TUBA8: variants seen among roughly 807,000 people sequenced by gnomAD.
The protein encoded by TUBA8 is tubulin alpha 8.
In TUBA8, 29 loss-of-function variants were observed where a neutral mutation model predicts 34.7. The ratio of observed to expected loss-of-function variants is 0.84; its 90% CI spans 0.62 to 1.14. The LOEUF is 1.14. Ranked by LOEUF, TUBA8 falls within the 50% of genes most tolerant of loss-of-function variation. The probability of loss-of-function intolerance (pLI) is 0.00; values close to 1 mark genes in which losing one functional copy is unlikely to be tolerated. For synonymous variants in TUBA8, 226 were observed against 231.2 expected (o/e 0.98, Z 0.21); for missense variants, 541 against 599.2 (o/e 0.90, Z 1.01).
Position 18,126,647 on chromosome 22 carries a change from C to T in TUBA8, c.669C>T (p.Thr223=), listed in dbSNP as rs777476349. Residue 223 remains threonine (T), a synonymous_variant, in exon 4 of 5, where the codon ACC becomes ACT. Coordinates refer to ENST00000330423, the MANE Select transcript of TUBA8 (RefSeq NM_018943.3). This position sits in a 1 kb window ranked among gnomAD's most constrained non-coding sequence, Gnocchi z 4.0. The part of the protein sequence containing the change: ...CRRNLDIERP[T]YTNLNRLISQ... ...GGAACCTTGACATTGAGCGCCCTAC[C>T]TATACCAACCTCAACCGCCTCATCA... is the stretch of plus-strand genomic sequence containing the variant. 1.2e-6 allele frequency: 2 copies of T among 1,614,150 alleles called. No individual in the cohort carries two copies. The highest frequency in any genetic ancestry group is 2.2e-5 in the South Asian group (2 of 91,062).
In TUBA8 at chr22:18,121,752, G is replaced by C; in HGVS notation, c.226+51G>C. On this transcript the variant is annotated intron_variant, in intron 2 of 4. Transcript: ENST00000330423. The surrounding 1 kb of genome is among the most constrained non-coding windows in gnomAD (Gnocchi z 4.8). Reference sequence around the variant, plus strand: ...ACAGAGAACATCTCGAAACTGCAGAGGCATTGGCCCACAGTAGCTAAGGAA... The same window carrying C: ...ACAGAGAACATCTCGAAACTGCAGACGCATTGGCCCACAGTAGCTAAGGAA... 1.3e-6 allele frequency: 2 copies of C among 1,563,070 alleles called. No individual in the cohort carries two copies. The highest frequency in any genetic ancestry group is 1.8e-6 in the Non-Finnish European group (2 of 1,137,790).
intron 1 of TUBA8, chr22:18,113,987 T>A (rs1056423881): frequency 1.3e-5 from 2 of 151,668 alleles, no homozygotes; most frequent in Non-Finnish European, 2.9e-5. Context: ...TAAAAATAAT[T>A]TTGGTGGGGG....
At position 18,118,035 on chromosome 22, in the gene TUBA8, C is replaced by T. The variant is rs1345290840; in HGVS notation, c.4-3444C>T. The T allele has an allele frequency of 2.6e-5, 4 of 152,086 alleles. No individual in the cohort carries two copies. The allele number at this position is 152,086 out of a possible 1,614,324, so 9.4% of individuals were successfully genotyped here. ...ACATTGCGTCCCATCAGGAGGTCCT[C>T]GATGTCGGGTTGGCCCACAGTTAGC... is the stretch of plus-strand genomic sequence containing the variant. On this transcript the variant is annotated intron_variant, in intron 1 of 4. Coordinates refer to ENST00000330423, the MANE Select transcript of TUBA8 (RefSeq NM_018943.3). This position sits in a 1 kb window ranked among gnomAD's most constrained non-coding sequence, Gnocchi z 4.0.
intron 1 of TUBA8, chr22:18,116,345 G>A (rs1319319843): frequency 1.3e-5 from 2 of 152,272 alleles, no homozygotes; most frequent in East Asian, 3.8e-4. Context: ...GGAGTTCAGA[G>A]CTGCAAGTGA....
intron 1 of TUBA8, chr22:18,113,142 A>G (rs1927862394): frequency 6.6e-6 from 1 of 152,170 alleles, no homozygotes; most frequent in Non-Finnish European, 1.5e-5. Flanking sequence ...TTCCTCTGTG[A>G]ACTTACCCCC....
rs1928075938 is a variant in TUBA8 at position 18,119,404 on chromosome 22, A to G, written c.4-2075A>G. On this transcript the variant is annotated intron_variant, in intron 1 of 4. Transcript: ENST00000330423. The surrounding 1 kb of genome is among the most constrained non-coding windows in gnomAD (Gnocchi z 5.9). ...AATGCTACCAGGTAGTACCGTAATGAAAATGATAATGGCAAGACAGCATCA... is the reference window on the plus strand; with the variant it reads ...AATGCTACCAGGTAGTACCGTAATGGAAATGATAATGGCAAGACAGCATCA... 6.6e-6 allele frequency: 1 copy of G among 152,256 alleles called. No individual in the cohort carries two copies. 9.4% of individuals were successfully genotyped at this position (152,256 alleles called of 1,614,324 possible).
rs776567675 is a variant in TUBA8, at chr22:18,121,625, C to T, written c.150C>T (p.Thr50=). Residue 50 remains threonine (T), a synonymous_variant, in exon 2 of 5, where the codon ACC becomes ACT. Transcript: ENST00000330423. This position sits in a 1 kb window ranked among gnomAD's most constrained non-coding sequence, Gnocchi z 4.8. ...AGATCAACGATGATGACTCCTTCAC[C>T]ACCTTTTTCAGCGAGACTGGCAATG... is the stretch of plus-strand genomic sequence containing the variant. ...ASKINDDDSF[T]TFFSETGNGK... 1 of 1,614,102 alleles carries T rather than the reference C, an allele frequency of 6.2e-7. No homozygotes were observed. Among genetic ancestry groups the T allele is most frequent in the East Asian group, 2.2e-5 (1 of 44,896 alleles).
At chr22:18,120,871 C>T (rs759482506) in intron 1 of TUBA8, 3 of 154,806 alleles carry the variant, frequency 1.9e-5, no homozygotes, top group Non-Finnish European at 4.3e-5. Context: ...TCCAATTGTT[C>T]AGCGTGCAGG....
At position 18,126,220 on chromosome 22, in the gene TUBA8, A is replaced by T; in HGVS notation, c.376-134A>T. 2 of 849,856 alleles carry T rather than the reference A, an allele frequency of 2.4e-6. No homozygotes were observed. The highest frequency in any genetic ancestry group is 1.7e-5 in the African/African-American group (1 of 59,470). The allele number at this position is 849,856 out of a possible 1,614,324, so 52.6% of individuals were successfully genotyped here. On this transcript the variant is annotated intron_variant, in intron 3 of 4. Transcript: ENST00000330423. This position sits in a 1 kb window ranked among gnomAD's most constrained non-coding sequence, Gnocchi z 4.0. ...TCAATACAACTCCTTTTGTTTCCTT[A>T]CTTCTTCAAAGCTGTTTTGATTTCA...
At position 18,124,609 on chromosome 22, in the gene TUBA8, C is replaced by T; in HGVS notation, c.375+305C>T. 2 of 303,258 alleles carry T rather than the reference C, an allele frequency of 6.6e-6. No homozygotes were observed. Among genetic ancestry groups the T allele is most frequent in the Non-Finnish European group, 1.2e-5 (2 of 162,052 alleles). 18.8% of individuals were successfully genotyped at this position (303,258 alleles called of 1,614,324 possible). On this transcript the variant is annotated intron_variant, in intron 3 of 4. Transcript: ENST00000330423. This position sits in a 1 kb window ranked among gnomAD's most constrained non-coding sequence, Gnocchi z 4.3. Reference sequence around the variant, plus strand: ...ATGAGGTCTCTGCTGGTCGGAAACACAGGTTAACAAAGCATTTAACTTGGA... The same window carrying T: ...ATGAGGTCTCTGCTGGTCGGAAACATAGGTTAACAAAGCATTTAACTTGGA...
At position 18,124,321 on chromosome 22, in the gene TUBA8, A is replaced by G; in HGVS notation, c.375+17A>G. 1 of 1,609,282 alleles carries G rather than the reference A, an allele frequency of 6.2e-7. No homozygotes were observed. The highest frequency in any genetic ancestry group is 8.5e-7 in the Non-Finnish European group (1 of 1,177,538). On this transcript the variant is annotated intron_variant, in intron 3 of 4. Transcript: ENST00000330423. The surrounding 1 kb of genome is among the most constrained non-coding windows in gnomAD (Gnocchi z 4.3). ...CGGAAGCTGGTAAGATCAGGAGGGC[A>G]GGGGACGGGTGGGTCAGGCTGGAGT... is the stretch of plus-strand genomic sequence containing the variant.
rs920651579 is a variant in TUBA8, at chr22:18,124,599, G to T, written c.375+295G>T. The T allele has an allele frequency of 1.5e-5, 5 of 328,156 alleles. No homozygotes were observed. The highest frequency in any genetic ancestry group is 2.8e-5 in the Non-Finnish European group (5 of 177,712). 20.3% of individuals were successfully genotyped at this position (328,156 alleles called of 1,614,324 possible). On this transcript the variant is annotated intron_variant, in intron 3 of 4. Coordinates refer to ENST00000330423, the MANE Select transcript of TUBA8 (RefSeq NM_018943.3). This position sits in a 1 kb window ranked among gnomAD's most constrained non-coding sequence, Gnocchi z 4.3. ...ATAAGGCAGGATGAGGTCTCTGCTG[G>T]TCGGAAACACAGGTTAACAAAGCAT... is the stretch of plus-strand genomic sequence containing the variant.
intron 4 of TUBA8, chr22:18,129,099 C>T (rs1360853352): frequency 6.6e-6 from 1 of 152,134 alleles, no homozygotes; most frequent in Non-Finnish European, 1.5e-5. Context: ...ATATAATTTC[C>T]CCCCAAGACT....
rs1252458090 is a variant in TUBA8 at position 18,126,828 on chromosome 22, G to A, written c.850G>A (p.Glu284Lys). 2.6e-5 allele frequency: 42 copies of A among 1,613,264 alleles called. No individual in the cohort carries two copies. Among genetic ancestry groups the A allele is most frequent in the Non-Finnish European group, 3.5e-5 (41 of 1,179,530 alleles). The change falls in exon 4 of 5, where the codon GAA (glutamate) becomes AAA (lysine). Residue 284 changes from glutamate (E) to lysine (K), a missense_variant. Transcript: ENST00000330423. This position sits in a 1 kb window ranked among gnomAD's most constrained non-coding sequence, Gnocchi z 4.0. ...PIISAEKAYH[E>K]QLSVAEITSS... is the part of the protein sequence containing the mutation. The stretch of plus-strand genomic sequence containing the variant: ...CATCTCTGCCGAGAAAGCCTATCAC[G>A]AACAGCTCTCTGTGGCCGAGATAAC...
rs143430308 is a variant in TUBA8, at chr22:18,113,542, C to T, written c.3+2674C>T. 5.4e-3 allele frequency: 815 copies of T among 152,334 alleles called. 3 individuals carry two copies. Among genetic ancestry groups the T allele is most frequent in the Non-Finnish European group, 7.6e-3 (515 of 68,040 alleles). 9.4% of individuals were successfully genotyped at this position (152,334 alleles called of 1,614,324 possible). ...CAACACGGCTTCTTTAACTCCATTC[C>T]GTTAGGACTGGAGAGCACGAAGGAG... On this transcript the variant is annotated intron_variant, in intron 1 of 4. Coordinates refer to ENST00000330423, the MANE Select transcript of TUBA8 (RefSeq NM_018943.3).
chr22:18,125,574 T>C (rs1043682321), intron 3 of TUBA8: 2 of 151,606 alleles, frequency 1.3e-5, no homozygotes, highest in Non-Finnish European at 2.9e-5. Flanking sequence ...TTGCTCAAGT[T>C]CTTACAACCA....
Position 18,126,817 on chromosome 22 carries a change from A to G in TUBA8, c.839A>G (p.Lys280Arg). ...TACGCGCCCATCATCTCTGCCGAGA[A>G]AGCCTATCACGAACAGCTCTCTGTG... ...VTYAPIISAE[K>R]AYHEQLSVAE... Residue 280 changes from lysine to arginine, a missense_variant, in exon 4 of 5, where the codon AAA (lysine) becomes AGA (arginine). Physicochemically the swap from Lys to Arg is conservative, Grantham distance 26. Coordinates refer to ENST00000330423, the MANE Select transcript of TUBA8 (RefSeq NM_018943.3). The surrounding 1 kb of genome is among the most constrained non-coding windows in gnomAD (Gnocchi z 4.0). The G allele has an allele frequency of 6.2e-7, 1 of 1,613,702 alleles. No individual in the cohort carries two copies. The highest frequency in any genetic ancestry group is 8.5e-7 in the Non-Finnish European group (1 of 1,179,742).
At chr22:18,128,383 G>A (rs923282647) in intron 4 of TUBA8, 15 of 152,114 alleles carry the variant, frequency 9.9e-5, no homozygotes, top group Non-Finnish European at 1.6e-4. Flanking sequence ...ATGCTGAATG[G>A]TAGAAGTCAC....
rs1182400300 is a variant in TUBA8, at chr22:18,121,710, GGGC to G, written c.226+12_226+14del. 8.1e-6 allele frequency: 13 copies of G among 1,613,224 alleles called. No individual in the cohort carries two copies. Among genetic ancestry groups the G allele is most frequent in the Non-Finnish European group, 9.3e-6 (11 of 1,179,274 alleles). ...GGAGCCTACTGTAGTGGGTGAGTGG[GGGC>G]GGAGTTCCCCTCCACAGAGAACATC... On this transcript the variant is annotated intron_variant, in intron 2 of 4. Transcript: ENST00000330423. This position sits in a 1 kb window ranked among gnomAD's most constrained non-coding sequence, Gnocchi z 4.8.
Sources: allele counts gnomAD v4.1 joint callset, GRCh38; gene constraint gnomAD v4.1.1; non-coding constraint Gnocchi (gnomAD v3.1); transcripts MANE v1.5; gene names NCBI Gene and HGNC (gene_info 2026-07-23, HGNC 2026-07-21).